The following SERPINB6 variants were observed in gnomAD, a reference collection of about 807,000 sequenced individuals.
SERPINB6 encodes the protein serpin family B member 6, also known as serpin B6.
Under a neutral mutation model 26.1 loss-of-function variants are expected in SERPINB6, and 16 were observed. The ratio of observed to expected loss-of-function variants is 0.61; its 90% CI spans 0.42 to 0.93. The LOEUF (loss-of-function observed/expected upper bound fraction) is 0.93. Ranked by LOEUF, SERPINB6 falls within the 40% of genes least tolerant of loss-of-function variation. The pLI, the probability that SERPINB6 is intolerant of heterozygous loss-of-function variation, is 0.00. For missense variants in SERPINB6, 420 were observed against 478.0 expected, an observed-to-expected ratio of 0.88 and a Z score of 1.13; for synonymous variants, 174 against 176.6, an observed-to-expected ratio of 0.99 and a Z score of 0.11.
chr6:2,959,432 G>A, intron 1 of SERPINB6, 90 bp from the exon 2 acceptor site: 1 of 1,299,338 alleles, frequency 7.7e-7, no homozygotes, highest in Non-Finnish European at 1.1e-6. Context: ...CGCCGATGCT[G>A]TGGTTCAGTG....
At chr6:2,954,569 G>C in intron 4 of SERPINB6, 23 bp downstream of exon 4, 4 of 1,532,074 alleles carry the variant, frequency 2.6e-6, no homozygotes, top group Non-Finnish European at 2.7e-6. Context: ...TATTACAAAA[G>C]TAGAATAACA....
chr6:2,955,503 A>G, intron 3 of SERPINB6, 21 bp downstream of exon 3: 5 of 1,614,084 alleles, frequency 3.1e-6, no homozygotes, highest in Non-Finnish European at 4.2e-6. Flanking sequence ...TCTTTAGTGA[A>G]TAAGAGCAAG....
chr6:2,968,366 TG>T, intron 1 of SERPINB6: 1 of 459,432 alleles, frequency 2.2e-6, no homozygotes, highest in Non-Finnish European at 2.9e-6. Context: ...GCTTAGTACC[TG>T]GGGGATGAAA....
At chr6:2,970,057 CAAAAAAA>C (rs754952384) in intron 1 of SERPINB6, 98 of 809,938 alleles carry the variant, frequency 1.2e-4, no homozygotes, top group East Asian at 3.6e-4. Context: ...TCCAGCCTGG[CAAAAAAA>C]AAAAAAAAAA....
intron 1 of SERPINB6, chr6:2,971,090 C>T (rs1276200469): frequency 1.8e-6 from 2 of 1,115,482 alleles, no homozygotes; most frequent in Non-Finnish European, 2.2e-6. Flanking sequence ...GAGGGGTCAC[C>T]GAGGCCGCGG....
intron 4 of SERPINB6, 56 bp downstream of exon 4, chr6:2,954,536 G>C: frequency 7.5e-7 from 1 of 1,334,076 alleles, no homozygotes. Context: ...TGAAGGAACT[G>C]ACAATAAAAT....
chr6:2,968,456 TA>T, intron 1 of SERPINB6: 2 of 905,468 alleles, frequency 2.2e-6, no homozygotes, highest in Non-Finnish European at 2.5e-6. Flanking sequence ...AATAGAGGTT[TA>T]AAAGGTTAAA....
chr6:2,948,257 G>A lies in SERPINB6; in HGVS notation c.*41C>T. ...GCAGGCACACTGTGGAGTGTCAGGG[G>A]ACAGAGAGGAGAGGGGCTGCACACC... On this transcript the variant is annotated 3_prime_UTR_variant, in exon 7 of 7. Coordinates refer to ENST00000380539, the MANE Select transcript of SERPINB6 (RefSeq NM_004568.6). This position sits in a 1 kb window ranked among gnomAD's most constrained non-coding sequence, Gnocchi z 5.0. 1 of 1,611,284 alleles carries A rather than the reference G, an allele frequency of 6.2e-7. No homozygotes were observed. Among genetic ancestry groups the A allele is most frequent in the South Asian group, 1.1e-5 (1 of 90,966 alleles).
intron 1 of SERPINB6, chr6:2,963,824 G>C (rs1464029704): frequency 6.6e-6 from 1 of 152,242 alleles, no homozygotes; most frequent in African/African-American, 2.4e-5. Context: ...CTGACCTCTT[G>C]CCTTGTTGTA....
At chr6:2,957,393 A>C (rs1434745099) in intron 2 of SERPINB6, 2 of 152,252 alleles carry the variant, frequency 1.3e-5, no homozygotes. Flanking sequence ...GTGGAGAATA[A>C]AAATGTTTCT....
At chr6:2,971,076 G>A (rs956877179) in intron 1 of SERPINB6, 18 of 1,144,686 alleles carry the variant, frequency 1.6e-5, no homozygotes, top group Non-Finnish European at 1.8e-5. Flanking sequence ...GTCGCGGAGC[G>A]GGCGAGGGGT....
chr6:2,953,018 T>C lies in SERPINB6; in HGVS notation c.573+26A>G, dbSNP rs2244693. On this transcript the variant is annotated intron_variant, in intron 5 of 6. Coordinates refer to ENST00000380539, the MANE Select transcript of SERPINB6 (RefSeq NM_004568.6). The stretch of plus-strand genomic sequence containing the variant: ...GAGACGCTCGTGTGAACACAGGCGC[T>C]GCTCCTGTCACGGCCCCTTACTCGC... 1,084,415 of 1,613,480 alleles carry C rather than the reference T, an allele frequency of 0.67. 366,887 individuals are homozygous for C. Among genetic ancestry groups the C allele is most frequent in the East Asian group, 0.8 (35,696 of 44,854 alleles).
intron 1 of SERPINB6, among the ~76,000 whole-genome samples, chr6:2,962,822 A>C (rs949777451): frequency 2.0e-5 from 3 of 152,234 alleles, no homozygotes; most frequent in African/African-American, 7.2e-5. Flanking sequence ...CCCTTACGTC[A>C]AACAGCAAGT....
intron 5 of SERPINB6, among the ~76,000 whole-genome samples, chr6:2,950,902 C>T (rs961184396): frequency 1.3e-5 from 2 of 152,254 alleles, no homozygotes; most frequent in South Asian, 2.1e-4. Flanking sequence ...GGTAGAGGCT[C>T]GCCTGGGCTG....
chr6:2,959,090 C>G (rs573987763), intron 2 of SERPINB6, 78 bp downstream of exon 2: 3 of 1,572,354 alleles, frequency 1.9e-6, no homozygotes, highest in South Asian at 1.1e-5. Context: ...CCGTCTCGAG[C>G]GATCCCTTTG....
At chr6:2,956,709 T>C (rs1210964552) in intron 2 of SERPINB6, 1 of 152,244 alleles carries the variant, frequency 6.6e-6, no homozygotes, top group Non-Finnish European at 1.5e-5. Context: ...TAATCCCAGA[T>C]ACTCGGGAGG....
chr6:2,956,633 C>T (rs1770511468), intron 2 of SERPINB6: 1 of 152,280 alleles, frequency 6.6e-6, no homozygotes, highest in Admixed American at 6.5e-5. Flanking sequence ...ACCAGCCTGA[C>T]CAACGTGGAG....
chr6:2,966,393 CACTT>C (rs1181745134), intron 1 of SERPINB6: 1 of 987,060 alleles, frequency 1.0e-6, no homozygotes, highest in Non-Finnish European at 1.2e-6. Flanking sequence ...CCTCCAAACA[CACTT>C]ACTTTATATG....
chr6:2,955,189 C>CAAAAA, intron 3 of SERPINB6: 4 of 176,060 alleles, frequency 2.3e-5, no homozygotes, highest in East Asian at 1.5e-4. Flanking sequence ...GATTCTGTCT[C>CAAAAA]AAAAAAAAAA....
Sources: gnomAD v4.1 joint callset for allele counts (sites outside exome capture counted in the v4.1 genomes callset) on GRCh38, gnomAD v4.1.1 for gene constraint, Gnocchi (gnomAD v3.1) non-coding constraint, MANE v1.5 for transcripts, NCBI Gene and HGNC (gene_info 2026-07-23, HGNC 2026-07-21) for gene names.